NKAIN3: variants seen among roughly 807,000 people sequenced by gnomAD.
NKAIN3 encodes the protein sodium/potassium-transporting ATPase subunit beta-1-interacting protein 3.
Under a neutral mutation model 30.2 loss-of-function variants are expected in NKAIN3, and 25 were observed. The observed-to-expected ratio is 0.83, with a 90% CI of 0.60 to 1.16. The LOEUF is 1.16. Among genes scored for constraint, NKAIN3 ranks in the 50% most tolerant of loss-of-function variants. NKAIN3 has a pLI of 0.00. For missense variants in NKAIN3, 225 were observed against 254.1 expected (o/e 0.89, Z 0.78); for synonymous variants, 91 against 89.6 (o/e 1.02, Z -0.09).
intron 6 of NKAIN3, among the ~76,000 whole-genome samples, chr8:62,958,563 A>G (rs1185339418): frequency 1.3e-5 from 2 of 152,158 alleles, no homozygotes; most frequent in Non-Finnish European, 2.9e-5. Flanking sequence ...TGAAAAGGAT[A>G]CCTACACATC....
At chr8:62,276,907 T>A (rs886105774) in intron 1 of NKAIN3, among the ~76,000 whole-genome samples, 1 of 152,196 alleles carries the variant, frequency 6.6e-6, no homozygotes, top group Non-Finnish European at 1.5e-5. Context: ...ATAAAATGCA[T>A]GTTTTAATTT....
At chr8:62,428,793 T>G (rs1172011023) in intron 1 of NKAIN3, among the ~76,000 whole-genome samples, 2 of 151,978 alleles carry the variant, frequency 1.3e-5, no homozygotes, top group East Asian at 3.9e-4. Flanking sequence ...CTTCACTTAT[T>G]AATTGTTTCC....
chr8:62,650,488 G>T (rs2130328385), intron 3 of NKAIN3, among the ~76,000 whole-genome samples: 1 of 152,258 alleles, frequency 6.6e-6, no homozygotes, highest in Admixed American at 6.5e-5. Context: ...AGGACACATT[G>T]TCTGCTGTTA....
chr8:62,262,446 C>T (rs1447745337), intron 1 of NKAIN3, among the ~76,000 whole-genome samples: 1 of 152,162 alleles, frequency 6.6e-6, no homozygotes, highest in African/African-American at 2.4e-5. Flanking sequence ...TCACAAGTGT[C>T]TTCTTTCTCC....
chr8:62,410,172 G>A (rs1386079057), intron 1 of NKAIN3, among the ~76,000 whole-genome samples: 2 of 151,850 alleles, frequency 1.3e-5, no homozygotes, highest in Non-Finnish European at 2.9e-5. Flanking sequence ...TCAATGTTTA[G>A]GTCCCACTTA....
At chr8:62,339,087 G>A (rs150688472) in intron 1 of NKAIN3, among the ~76,000 whole-genome samples, 22 of 152,150 alleles carry the variant, frequency 1.4e-4, no homozygotes, top group African/African-American at 5.3e-4. Context: ...GGAGATGCCT[G>A]TGATTAGACC....
At chr8:62,547,304 A>C (rs565024054) in intron 1 of NKAIN3, among the ~76,000 whole-genome samples, 152 of 152,328 alleles carry the variant, frequency 1.0e-3, no homozygotes, top group Middle Eastern at 3.4e-3. Context: ...TTACTAACAT[A>C]GGACCACATC....
intron 3 of NKAIN3, among the ~76,000 whole-genome samples, chr8:62,707,285 T>G (rs186959520): frequency 6.6e-6 from 1 of 152,192 alleles, no homozygotes; most frequent in East Asian, 1.9e-4. Context: ...CTACTTTTAG[T>G]TATTTAAGGA....
chr8:62,803,059 G>A (rs1026470399), intron 4 of NKAIN3, among the ~76,000 whole-genome samples: 1 of 152,242 alleles, frequency 6.6e-6, no homozygotes, highest in East Asian at 1.9e-4. Context: ...AACAAGAAGA[G>A]CTAACTATCC....
chr8:62,670,497 G>T lies in NKAIN3; in HGVS notation c.274-76435G>T, dbSNP rs73685427. 6.8e-3 allele frequency among the ~76,000 whole-genome samples: 1,035 copies of T among 152,164 alleles called. 6 individuals are homozygous for T. The highest frequency in any genetic ancestry group is 0.023 in the African/African-American group (970 of 41,512). ...TAACTCCTTTGGTATTCTCTATTTG[G>T]GGAGGCAGGGATGTAAGTAAGGTTC... On this transcript the variant is annotated intron_variant, in intron 3 of 6. Transcript: ENST00000623646.
intron 1 of NKAIN3, among the ~76,000 whole-genome samples, chr8:62,347,870 A>C (rs992046224): frequency 1.3e-5 from 2 of 152,122 alleles, no homozygotes; most frequent in Non-Finnish European, 2.9e-5. Context: ...CAAAGAATAC[A>C]CTTTCAGTTC....
At chr8:62,406,062 T>C (rs911648640) in intron 1 of NKAIN3, among the ~76,000 whole-genome samples, 3 of 152,206 alleles carry the variant, frequency 2.0e-5, no homozygotes, top group African/African-American at 4.8e-5. Context: ...AAACCAAGGA[T>C]AATTTATCTT....
intron 4 of NKAIN3, among the ~76,000 whole-genome samples, chr8:62,772,947 C>T (rs1014176400): frequency 2.6e-5 from 4 of 152,144 alleles, no homozygotes; most frequent in Admixed American, 2.6e-4. Flanking sequence ...GTGTGAGCAA[C>T]CACGCCCGGC....
chr8:62,618,341 G>A (rs1373907534), intron 3 of NKAIN3, among the ~76,000 whole-genome samples: 1 of 152,110 alleles, frequency 6.6e-6, no homozygotes, highest in Non-Finnish European at 1.5e-5. Context: ...TCAGGTTTGG[G>A]GTTGGAAGCA....
At chr8:62,575,735 T>A (rs542691983) in intron 1 of NKAIN3, among the ~76,000 whole-genome samples, 2 of 152,118 alleles carry the variant, frequency 1.3e-5, no homozygotes, top group Admixed American at 1.3e-4. Flanking sequence ...CTATAGTAAC[T>A]GAAACAGCAT....
chr8:62,625,010 C>T (rs1425859250), intron 3 of NKAIN3, among the ~76,000 whole-genome samples: 1 of 152,014 alleles, frequency 6.6e-6, no homozygotes, highest in Non-Finnish European at 1.5e-5. Context: ...ATGTTTTCTA[C>T]TTCTTCCATT....
At chr8:62,711,391 T>C (rs1274994350) in intron 3 of NKAIN3, among the ~76,000 whole-genome samples, 1 of 152,168 alleles carries the variant, frequency 6.6e-6, no homozygotes, top group Non-Finnish European at 1.5e-5. Flanking sequence ...GGTTTGGTCA[T>C]TTAACATAAT....
rs144952924 is a variant in NKAIN3, at chr8:62,572,607, T to G, written c.55-6932T>G. On this transcript the variant is annotated intron_variant, in intron 1 of 6. Coordinates refer to ENST00000623646, the MANE Select transcript of NKAIN3 (RefSeq NM_001304533.3). ...GCAATTTAAAAAGGAAAGAGGTTTATTGGATTTATAGTTCCACATGGCTGG... is the reference window on the plus strand; with the variant it reads ...GCAATTTAAAAAGGAAAGAGGTTTAGTGGATTTATAGTTCCACATGGCTGG... 5.5e-3 allele frequency among the ~76,000 whole-genome samples: 840 copies of G among 152,312 alleles called. 5 individuals are homozygous for G. The highest frequency in any genetic ancestry group is 7.2e-3 in the Non-Finnish European group (489 of 68,020).
chr8:62,517,209 A>G (rs1808019209), intron 1 of NKAIN3, among the ~76,000 whole-genome samples: 2 of 152,192 alleles, frequency 1.3e-5, no homozygotes, highest in African/African-American at 2.4e-5. Context: ...ATCATAAAAT[A>G]TAATGCTGTT....
Sources: allele counts gnomAD v4.1 joint callset (sites outside exome capture counted in the v4.1 genomes callset), GRCh38; gene constraint gnomAD v4.1.1; transcripts MANE v1.5; gene names NCBI Gene and HGNC (gene_info 2026-07-23, HGNC 2026-07-21).